Variants in PDZD2 observed in about 807,000 individuals in gnomAD.
PDZD2 encodes PDZ domain containing 2.
PDZD2 carries 90 observed loss-of-function variants against 220.7 expected under a neutral mutation model. That is an observed-to-expected ratio of 0.41 (90% CI 0.34 to 0.49). The LOEUF (loss-of-function observed/expected upper bound fraction) is 0.49, where lower values mean the gene tolerates loss of function less well. PDZD2 is among the 20% of genes least tolerant of loss of function. PDZD2 has a pLI of 0.28. For missense variants in PDZD2, 3,174 were observed against 3,608.5 expected (o/e 0.88, Z 3.08); for synonymous variants, 1,375 against 1,450.5 (o/e 0.95, Z 1.18).
At chr5:31,951,494 T>C (rs1187360069) in intron 2 of PDZD2, among the ~76,000 whole-genome samples, 1 of 152,216 alleles carries the variant, frequency 6.6e-6, no homozygotes, top group Non-Finnish European at 1.5e-5. Context: ...ACATAAGAAT[T>C]TGGGGAGACA....
chr5:32,043,819 G>A (rs1054150519), intron 7 of PDZD2, among the ~76,000 whole-genome samples: 1 of 151,880 alleles, frequency 6.6e-6, no homozygotes, highest in Non-Finnish European at 1.5e-5. Flanking sequence ...TAGAGACGGG[G>A]TTTCACTGCG....
chr5:31,660,811 C>G (rs185243118), intron 1 of PDZD2, among the ~76,000 whole-genome samples: 3 of 152,188 alleles, frequency 2.0e-5, no homozygotes, highest in Non-Finnish European at 4.4e-5. Flanking sequence ...CAGCTTTAAA[C>G]TCTTGAGCTC....
At chr5:31,667,299 G>C (rs1269854517) in intron 1 of PDZD2, among the ~76,000 whole-genome samples, 1 of 147,334 alleles carries the variant, frequency 6.8e-6, no homozygotes, top group African/African-American at 2.5e-5. Context: ...CCTTCTTCTA[G>C]ACACTAGGGA....
At chr5:31,780,740 G>A (rs944777602) in intron 1 of PDZD2, among the ~76,000 whole-genome samples, 3 of 152,276 alleles carry the variant, frequency 2.0e-5, no homozygotes, top group African/African-American at 4.8e-5. Flanking sequence ...TCAGCAGGAA[G>A]GATATTCAGT....
intron 4 of PDZD2, among the ~76,000 whole-genome samples, chr5:31,999,269 T>G (rs796889059): frequency 1.1e-3 from 121 of 107,208 alleles, no homozygotes; most frequent in East Asian, 1.5e-3. Flanking sequence ...GGGGGGCGGG[T>G]GGCGGGATTT....
At chr5:32,082,451 G>A (rs768827435) in intron 19 of PDZD2, among the ~76,000 whole-genome samples, 21 of 151,972 alleles carry the variant, frequency 1.4e-4, no homozygotes, top group South Asian at 4.2e-4. Context: ...AGGGGCATAC[G>A]CAGGCTGCCA....
At chr5:31,833,259 A>C (rs1175461541) in intron 2 of PDZD2, among the ~76,000 whole-genome samples, 2 of 152,158 alleles carry the variant, frequency 1.3e-5, no homozygotes, top group African/African-American at 4.8e-5. Flanking sequence ...GCTTGAGTCC[A>C]GGAGTTTGAG....
chr5:31,787,009 G>A (rs1753419680), intron 1 of PDZD2, among the ~76,000 whole-genome samples: 1 of 152,206 alleles, frequency 6.6e-6, no homozygotes, highest in Non-Finnish European at 1.5e-5. Context: ...TGTAATTAAA[G>A]AATATGTGAT....
chr5:31,822,566 C>G, intron 2 of PDZD2: 2 of 919,224 alleles, frequency 2.2e-6, no homozygotes, highest in Non-Finnish European at 3.3e-6. Context: ...TCTTATTAAT[C>G]AGCCTCCTGA....
intron 2 of PDZD2, among the ~76,000 whole-genome samples, chr5:31,971,581 T>C (rs758118109): frequency 2.0e-5 from 3 of 152,200 alleles, no homozygotes; most frequent in South Asian, 2.1e-4. Context: ...AGCTTCATAA[T>C]TGATGATGAT....
chr5:31,901,323 C>T (rs527980320), intron 2 of PDZD2, among the ~76,000 whole-genome samples: 6 of 151,694 alleles, frequency 4.0e-5, no homozygotes, highest in East Asian at 3.9e-4. Context: ...GAGGCTGAGG[C>T]GCAAGAATCG....
At chr5:31,894,650 G>C (rs981981041) in intron 2 of PDZD2, among the ~76,000 whole-genome samples, 2 of 152,078 alleles carry the variant, frequency 1.3e-5, no homozygotes, top group African/African-American at 2.4e-5. Flanking sequence ...ATTAGCGTGT[G>C]TCCTGACTTC....
chr5:31,814,385 AG>A (rs1755302609), intron 2 of PDZD2, among the ~76,000 whole-genome samples: 1 of 152,206 alleles, frequency 6.6e-6, no homozygotes, highest in African/African-American at 2.4e-5. Context: ...TACCCAAGGT[AG>A]GTAGGTTACA....
At chr5:31,902,291 A>T (rs1742172265) in intron 2 of PDZD2, among the ~76,000 whole-genome samples, 1 of 152,106 alleles carries the variant, frequency 6.6e-6, no homozygotes, top group Non-Finnish European at 1.5e-5. Context: ...TAGTGTGTAT[A>T]AAGTGGTATC....
At chr5:31,990,517 C>T (rs576480297) in intron 3 of PDZD2, among the ~76,000 whole-genome samples, 19 of 152,328 alleles carry the variant, frequency 1.2e-4, no homozygotes, top group South Asian at 4.2e-4. Flanking sequence ...TTGCAGAACT[C>T]GGTCTCTCCA....
chr5:31,908,134 A>G (rs533505586), intron 2 of PDZD2, among the ~76,000 whole-genome samples: 1 of 151,510 alleles, frequency 6.6e-6, no homozygotes, highest in East Asian at 1.9e-4. Flanking sequence ...GGTAGTAAAT[A>G]GAATCGAATA....
chr5:31,899,938 A>G (rs1741927387), intron 2 of PDZD2, among the ~76,000 whole-genome samples: 1 of 152,206 alleles, frequency 6.6e-6, no homozygotes, highest in African/African-American at 2.4e-5. Flanking sequence ...AATTTCTGTT[A>G]TTTATAAGCC....
intron 2 of PDZD2, among the ~76,000 whole-genome samples, chr5:31,840,058 A>G (rs930263032): frequency 3.3e-5 from 5 of 152,122 alleles, no homozygotes; most frequent in African/African-American, 1.2e-4. Context: ...TAAACCCTGT[A>G]TCTACCAAAA....
chr5:31,717,236 C>T (rs1748508321), intron 1 of PDZD2, among the ~76,000 whole-genome samples: 1 of 152,110 alleles, frequency 6.6e-6, no homozygotes, highest in African/African-American at 2.4e-5. Flanking sequence ...GGAGCTAGTC[C>T]TGGGTGTGTG....
Sources: allele counts gnomAD v4.1 joint callset (sites outside exome capture counted in the v4.1 genomes callset), GRCh38; gene constraint gnomAD v4.1.1; transcripts MANE v1.5; gene names NCBI Gene and HGNC (gene_info 2026-07-23, HGNC 2026-07-21).